Variants in AFAP1L1 observed in about 807,000 individuals in gnomAD.
The protein encoded by AFAP1L1 is actin filament-associated protein 1-like 1.
Under a neutral mutation model 99.8 loss-of-function variants are expected in AFAP1L1, and 77 were observed. That is an observed-to-expected ratio of 0.77 (90% confidence interval 0.64 to 0.93). The LOEUF (loss-of-function observed/expected upper bound fraction) is 0.93. AFAP1L1 is among the 40% of genes least tolerant of loss of function. AFAP1L1 has a pLI of 0.00. For missense variants in AFAP1L1, 893 were observed against 996.8 expected (o/e 0.90, Z 1.40); for synonymous variants, 373 against 395.3 (o/e 0.94, Z 0.67).
At chr5:149,334,828 G>A (rs1561687601) in intron 17 of AFAP1L1, among the ~76,000 whole-genome samples, 1 of 151,890 alleles carries the variant, frequency 6.6e-6, no homozygotes, top group Non-Finnish European at 1.5e-5. Context: ...AGAATCACTT[G>A]AACCTGGAAG....
chr5:149,300,728 G>A (rs901141871), intron 3 of AFAP1L1, among the ~76,000 whole-genome samples: 1 of 152,238 alleles, frequency 6.6e-6, no homozygotes, highest in African/African-American at 2.4e-5. Context: ...AGCTGAGCTG[G>A]CTGCATGCAG....
At chr5:149,276,282 G>A (rs531115801) in intron 1 of AFAP1L1, among the ~76,000 whole-genome samples, 5 of 152,344 alleles carry the variant, frequency 3.3e-5, no homozygotes, top group Middle Eastern at 3.4e-3. Context: ...GGAAACAAAC[G>A]CCGAAAGTAG....
intron 5 of AFAP1L1, among the ~76,000 whole-genome samples, chr5:149,304,507 C>T (rs1489137080): frequency 1.3e-5 from 2 of 152,224 alleles, no homozygotes; most frequent in Admixed American, 6.5e-5. Flanking sequence ...AGGGAACTCA[C>T]TTCCCTCTCA....
chr5:149,283,949 G>A (rs1003227099), intron 1 of AFAP1L1, among the ~76,000 whole-genome samples: 3 of 152,232 alleles, frequency 2.0e-5, no homozygotes, highest in Non-Finnish European at 4.4e-5. Context: ...CAGAGAAAGT[G>A]AAACTTGGTC....
chr5:149,309,839 C>T, intron 7 of AFAP1L1, 117 bp from the exon 8 acceptor site: 1 of 1,280,894 alleles, frequency 7.8e-7, no homozygotes, highest in Non-Finnish European at 1.1e-6. Context: ...CATGGCTAGG[C>T]TGGGTGGGGG....
intron 5 of AFAP1L1, among the ~76,000 whole-genome samples, chr5:149,305,825 G>A (rs1756387113): frequency 2.0e-5 from 3 of 151,694 alleles, no homozygotes; most frequent in Admixed American, 1.3e-4. Flanking sequence ...CTCAGCCCAA[G>A]CAACTGGTAC....
chr5:149,297,421 C>G (rs1334161032), intron 1 of AFAP1L1, among the ~76,000 whole-genome samples: 2 of 152,112 alleles, frequency 1.3e-5, no homozygotes, highest in African/African-American at 4.8e-5. Flanking sequence ...ATAGCTGCCA[C>G]AGCCTCAGCG....
At chr5:149,316,338 G>T in intron 11 of AFAP1L1, 35 bp downstream of exon 11, 1 of 1,601,020 alleles carries the variant, frequency 6.2e-7, no homozygotes, top group Non-Finnish European at 8.5e-7. Context: ...GGGTGCTCAG[G>T]TCCTGTGTGC....
intron 1 of AFAP1L1, among the ~76,000 whole-genome samples, chr5:149,287,221 T>A (rs1430851835): frequency 6.6e-6 from 1 of 150,486 alleles, no homozygotes; most frequent in Admixed American, 6.6e-5. Context: ...CCTATAGCAC[T>A]GTATATTCTT....
Position 149,272,613 on chromosome 5 carries a change from T to G in AFAP1L1, c.16+629T>G, listed in dbSNP as rs566305028. 2.0e-5 allele frequency among the ~76,000 whole-genome samples: 3 copies of G among 152,312 alleles called. No homozygotes were observed. The South Asian group carries it at 6.2e-4, about 32-fold the overall frequency. On this transcript the variant is annotated intron_variant, in intron 1 of 18. Coordinates refer to ENST00000296721, the MANE Select transcript of AFAP1L1 (RefSeq NM_152406.4). ...CTTTTCCAGTGTATTTGGTAGACGT[T>G]TCACAGAAGTGGAGGGGACTTACTG...
Position 149,320,295 on chromosome 5 carries a change from T to A in AFAP1L1, c.1626-96T>A, listed in dbSNP as rs913085751. 31 of 1,230,646 alleles carry A rather than the reference T, an allele frequency of 2.5e-5. No homozygotes were observed. In the African/African-American group the frequency reaches 4.3e-4, roughly 17 times the overall value. The allele number at this position is 1,230,646 out of a possible 1,614,324, so 76.2% of individuals were successfully genotyped here. A position where few individuals can be genotyped will look rare whatever the true frequency, so the allele number is the denominator to read the frequency against. ...CCAATCTTCTGATCTGCCTTAAGAG[T>A]TTCTGCCAGAATCAATGAGAGTGAG... On this transcript the variant is annotated intron_variant, in intron 13 of 18. Transcript: ENST00000296721. This position sits in a 1 kb window ranked among gnomAD's most constrained non-coding sequence, Gnocchi z 4.0.
At chr5:149,288,171 C>T (rs557953003) in intron 1 of AFAP1L1, among the ~76,000 whole-genome samples, 5 of 152,298 alleles carry the variant, frequency 3.3e-5, no homozygotes, top group Non-Finnish European at 5.9e-5. Flanking sequence ...GAGCTCACTG[C>T]TGGTTCCAGC....
chr5:149,300,166 TG>T, intron 2 of AFAP1L1, 104 bp from the exon 3 acceptor site: 1 of 720,882 alleles, frequency 1.4e-6, no homozygotes, highest in Non-Finnish European at 2.3e-6. Context: ...GAATGCGCTT[TG>T]CAAAGTGAGC....
intron 8 of AFAP1L1, among the ~76,000 whole-genome samples, chr5:149,310,531 A>G (rs1413344216): frequency 6.6e-6 from 1 of 152,174 alleles, no homozygotes; most frequent in African/African-American, 2.4e-5. Context: ...CCTTATAATG[A>G]CCACCCATGG....
Position 149,301,180 on chromosome 5 carries a change from C to A in AFAP1L1, c.277C>A (p.Pro93Thr). ...LRDMPEDDGEPSKGASPELAK... is the reference protein window; with the variant it reads ...LRDMPEDDGETSKGASPELAK... ...GGACATGCCAGAGGATGATGGGGAG[C>A]CCAGCAAAGGAGCCAGCCCTGAGCT... The change falls in exon 4 of 19, where the codon CCC becomes ACC. Residue 93 changes from proline to threonine, a missense_variant. Physicochemically the swap from Pro to Thr is conservative, Grantham distance 38. Transcript: ENST00000296721. The A allele has an allele frequency of 1.2e-6, 2 of 1,613,986 alleles. No individual in the cohort carries two copies. The highest frequency in any genetic ancestry group is 1.7e-6 in the Non-Finnish European group (2 of 1,179,930).
chr5:149,291,383 T>A (rs1270063102), intron 1 of AFAP1L1, among the ~76,000 whole-genome samples: 1 of 151,210 alleles, frequency 6.6e-6, no homozygotes, highest in Admixed American at 6.6e-5. Context: ...AAAACTTAGT[T>A]GGGCATGGTG....
rs149041522 is a variant in AFAP1L1 at position 149,302,446 on chromosome 5, A to G, written c.356A>G (p.Asn119Ser). ...GCCGACCTGCCTCCACCGCTCCCCAACAAGCCTCCCCCTGAGGACTACTAT... is the reference window on the plus strand; with the variant it reads ...GCCGACCTGCCTCCACCGCTCCCCAGCAAGCCTCCCCCTGAGGACTACTAT... ...NAADLPPPLPNKPPPEDYYEE... is the reference protein window; with the variant it reads ...NAADLPPPLPSKPPPEDYYEE... Residue 119 changes from asparagine (N) to serine (S), a missense_variant, in exon 5 of 19, where the codon AAC (asparagine) becomes AGC (serine). Transcript: ENST00000296721. The G allele has an allele frequency of 3.8e-4, 598 of 1,594,018 alleles. 1 individual carries two copies. The African/African-American group carries it at 6.3e-3, about 17-fold the overall frequency.
intron 14 of AFAP1L1, among the ~76,000 whole-genome samples, chr5:149,321,777 ACCTATAAT>A (rs1378521403): frequency 1.4e-5 from 2 of 147,080 alleles, no homozygotes; most frequent in Non-Finnish European, 3.0e-5. Flanking sequence ...AGTGGCTCAC[ACCTATAAT>A]CCTAGCACTT....
At chr5:149,312,520 G>C (rs569020628) in intron 9 of AFAP1L1, 5 of 408,270 alleles carry the variant, frequency 1.2e-5, no homozygotes, top group South Asian at 1.0e-4. Context: ...GAAAAAGAGG[G>C]TGTATAATCC....
Sources: gnomAD v4.1 joint callset for allele counts (sites outside exome capture counted in the v4.1 genomes callset) on GRCh38, gnomAD v4.1.1 for gene constraint, Gnocchi (gnomAD v3.1) non-coding constraint, MANE v1.5 for transcripts, NCBI Gene and HGNC (gene_info 2026-07-23, HGNC 2026-07-21) for gene names.